Variants in ETV3 observed in about 807,000 individuals in gnomAD.
The protein encoded by ETV3 is ETS translocation variant 3.
Under a neutral mutation model 33.0 loss-of-function variants are expected in ETV3, and 8 were observed. That is an observed-to-expected ratio of 0.24 (90% CI 0.14 to 0.44). The LOEUF is 0.44. ETV3 is among the 20% of genes least tolerant of loss of function. The pLI, the probability that ETV3 is intolerant of heterozygous loss-of-function variation, is 1.00. For synonymous variants in ETV3, 222 were observed against 238.9 expected (o/e 0.93, Z 0.65); for missense variants, 473 against 652.3 (o/e 0.73, Z 2.99).
chr1:157,137,439 T>A (rs1256929145), intron 1 of ETV3, among the ~76,000 whole-genome samples: 1 of 151,674 alleles, frequency 6.6e-6, no homozygotes, highest in Non-Finnish European at 1.5e-5. Context: ...GACCAGCAAG[T>A]GTCAGTCTAC....
At chr1:157,136,501 T>C in intron 1 of ETV3, 136 bp from the exon 2 acceptor site, 1 of 740,650 alleles carries the variant, frequency 1.4e-6, no homozygotes, top group Non-Finnish European at 2.2e-6. Flanking sequence ...CTTTCAAACA[T>C]GTCACCTCCA....
rs1675090193 is a variant in ETV3, at chr1:157,135,678, G to A, written c.77C>T (p.Thr26Ile). The A allele has an allele frequency of 6.2e-7, 1 of 1,614,204 alleles. No individual in the cohort carries two copies. Among genetic ancestry groups the A allele is most frequent in the Non-Finnish European group, 8.5e-7 (1 of 1,180,036 alleles). Residue 26 changes from threonine (T) to isoleucine (I), a missense_variant, in exon 3 of 5, where the codon ACA (threonine) becomes ATA (isoleucine). Thr to Ile is a moderately conservative substitution (Grantham distance 89). This residue lies in a region of ETV3 where 33 missense variants were observed against 37.1 expected (regional missense o/e 0.89). Coordinates refer to ENST00000368192, the MANE Select transcript of ETV3 (RefSeq NM_001145312.3). ...GYQFPDWAYK[T>I]ESSPGSRQIQ... ...CTGCCGGGAGCCTGGGGATGACTCT[G>A]TTTTGTAGGCCCAGTCAGGAAACTG... is the stretch of plus-strand genomic sequence containing the variant.
At position 157,135,671 on chromosome 1, in the gene ETV3, T is replaced by G; in HGVS notation, c.84A>C (p.Ser28=). The G allele has an allele frequency of 6.2e-7, 1 of 1,614,216 alleles. No individual in the cohort carries two copies. Among genetic ancestry groups the G allele is most frequent in the Non-Finnish European group, 8.5e-7 (1 of 1,180,034 alleles). Residue 28 remains serine, a synonymous_variant, in exon 3 of 5, where the codon TCA becomes TCC. Transcript: ENST00000368192. ...QFPDWAYKTE[S]SPGSRQIQLW... ...GCTGGATCTGCCGGGAGCCTGGGGA[T>G]GACTCTGTTTTGTAGGCCCAGTCAG...
In ETV3 at chr1:157,125,400, A is replaced by T; in HGVS notation, c.980T>A (p.Val327Asp). ...ATGCATTTGGCACTGCAGTGGTGGA[A>T]CCATGAGCCCTGGGTAACGGGGAAA... ...RTFPRYPGLM[V>D]PPLQCQMHPE... The change falls in exon 5 of 5, where the codon GTT becomes GAT. Residue 327 changes from valine (V) to aspartate (D), a missense_variant. Val to Asp is a radical substitution (Grantham distance 152). Coordinates refer to ENST00000368192, the MANE Select transcript of ETV3 (RefSeq NM_001145312.3). The surrounding 1 kb of genome is among the most constrained non-coding windows in gnomAD (Gnocchi z 4.0). The T allele has an allele frequency of 6.4e-7, 1 of 1,552,128 alleles. No homozygotes were observed. Among genetic ancestry groups the T allele is most frequent in the Non-Finnish European group, 8.7e-7 (1 of 1,147,096 alleles).
At chr1:157,132,933 T>C (rs1401835747) in intron 4 of ETV3, among the ~76,000 whole-genome samples, 1 of 152,238 alleles carries the variant, frequency 6.6e-6, no homozygotes, top group African/African-American at 2.4e-5. Context: ...TTTTCAGGTT[T>C]CTTCCAGCTT....
rs1234423682 is a variant in ETV3, at chr1:157,125,265, G to T, written c.1115C>A (p.Thr372Asn). 6.4e-7 allele frequency: 1 copy of T among 1,552,016 alleles called. No individual in the cohort carries two copies. Among genetic ancestry groups the T allele is most frequent in the East Asian group, 2.4e-5 (1 of 40,936 alleles). ...GATTCTTGGGGGAATAGAAGCCATG[G>T]TGGGCGTGGTGACTGGTGCTGACTC... ...SEESAPVTTP[T>N]MASIPPRIKV... Residue 372 changes from threonine (T) to asparagine (N), a missense_variant, in exon 5 of 5, where the codon ACC becomes AAC. Physicochemically the swap from Thr to Asn is moderately conservative, Grantham distance 65. This residue lies in a region of ETV3 where 410 missense variants were observed against 520.2 expected (regional missense o/e 0.79). Transcript: ENST00000368192. This position sits in a 1 kb window ranked among gnomAD's most constrained non-coding sequence, Gnocchi z 4.0.
intron 4 of ETV3, among the ~76,000 whole-genome samples, chr1:157,128,891 T>A (rs1674905899): frequency 6.6e-6 from 1 of 152,256 alleles, no homozygotes; most frequent in Non-Finnish European, 1.5e-5. Flanking sequence ...ATGCTATCTA[T>A]CACTGTTTAC....
At position 157,124,797 on chromosome 1, in the gene ETV3, T is replaced by A; in HGVS notation, c.*44A>T. 1 of 1,061,688 alleles carries A rather than the reference T, an allele frequency of 9.4e-7. No homozygotes were observed. Among genetic ancestry groups the A allele is most frequent in the Non-Finnish European group, 1.2e-6 (1 of 822,236 alleles). 65.8% of individuals were successfully genotyped at this position (1,061,688 alleles called of 1,614,324 possible). On this transcript the variant is annotated 3_prime_UTR_variant, in exon 5 of 5. Transcript: ENST00000368192. ...AAATCTTGCTACATAAATACATGTA[T>A]GTATTTGATTATAGTATAAACAGCT... is the stretch of plus-strand genomic sequence containing the variant.
intron 1 of ETV3, among the ~76,000 whole-genome samples, chr1:157,136,915 T>C (rs1675126445): frequency 6.6e-6 from 1 of 152,200 alleles, no homozygotes; most frequent in Non-Finnish European, 1.5e-5. Context: ...AGCCACAAAC[T>C]GCTCCCTCCC....
intron 1 of ETV3, among the ~76,000 whole-genome samples, 159 bp downstream of exon 1, chr1:157,138,157 G>A (rs148863974): frequency 7.4e-4 from 113 of 152,258 alleles, no homozygotes; most frequent in Non-Finnish European, 1.2e-3. Context: ...CCCTCAGACA[G>A]ACACGGGATC....
rs1346256634 is a variant in ETV3 at position 157,124,789 on chromosome 1, T to A, written c.*52A>T. 2.1e-5 allele frequency: 4 copies of A among 191,826 alleles called. No individual in the cohort carries two copies. Among genetic ancestry groups the A allele is most frequent in the Admixed American group, 1.2e-4 (1 of 8,664 alleles). 11.9% of individuals were successfully genotyped at this position (191,826 alleles called of 1,614,324 possible). A position where few individuals can be genotyped will look rare whatever the true frequency, so the allele number is the denominator to read the frequency against. On this transcript the variant is annotated 3_prime_UTR_variant, in exon 5 of 5. Coordinates refer to ENST00000368192, the MANE Select transcript of ETV3 (RefSeq NM_001145312.3). ...CCACCCTGAAATCTTGCTACATAAATACATGTATGTATTTGATTATAGTAT... is the reference window on the plus strand; with the variant it reads ...CCACCCTGAAATCTTGCTACATAAAAACATGTATGTATTTGATTATAGTAT...
rs377498585 is a variant in ETV3, at chr1:157,134,159, T to C, written c.353A>G (p.Asn118Ser). 48 of 1,614,132 alleles carry C rather than the reference T, an allele frequency of 3.0e-5. No individual in the cohort carries two copies. Among genetic ancestry groups the C allele is most frequent in the Non-Finnish European group, 3.8e-5 (45 of 1,180,000 alleles). Residue 118 changes from asparagine to serine, a missense_variant, in exon 4 of 5, where the codon AAC (asparagine) becomes AGC (serine). Asn to Ser is a conservative substitution (Grantham distance 46, BLOSUM62 1). Around this residue, in one of 3 missense-constraint regions of ETV3, gnomAD observed 410 missense variants for 520.2 expected, o/e 0.79. Coordinates refer to ENST00000368192, the MANE Select transcript of ETV3 (RefSeq NM_001145312.3). ...TGGGTAGTTGGGCATCACCAGCTTG[T>C]TGAAGTTAAATTTATAGGTAAATCT... Reference protein sequence around the residue: ...GKRFTYKFNFNKLVMPNYPFI... With the variant: ...GKRFTYKFNFSKLVMPNYPFI...
chr1:157,132,971 C>T (rs1315840542), intron 4 of ETV3, among the ~76,000 whole-genome samples: 1 of 152,196 alleles, frequency 6.6e-6, no homozygotes, highest in East Asian at 1.9e-4. Flanking sequence ...ACTGCATGAT[C>T]AGCATTCTTT....
rs1674797567 is a variant in ETV3, at chr1:157,125,118, G to T, written c.1262C>A (p.Thr421Asn). ...TGGTGCAGCAGGACGGGCAAAGATG[G>T]TGCCTTTTTCCTCTTCAATGGTCCT... The part of the protein sequence containing the change: ...PSRTIEEEKG[T>N]IFARPAAPPI... The change falls in exon 5 of 5, where the codon ACC (threonine) becomes AAC (asparagine). Residue 421 changes from threonine (T) to asparagine (N), a missense_variant. Physicochemically the swap from Thr to Asn is moderately conservative, Grantham distance 65 (BLOSUM62 0). This residue lies in a region of ETV3 where 410 missense variants were observed against 520.2 expected (regional missense o/e 0.79). Transcript: ENST00000368192. The surrounding 1 kb of genome is among the most constrained non-coding windows in gnomAD (Gnocchi z 4.0). 1 of 1,547,520 alleles carries T rather than the reference G, an allele frequency of 6.5e-7. No homozygotes were observed. Among genetic ancestry groups the T allele is most frequent in the South Asian group, 1.2e-5 (1 of 83,384 alleles).
At chr1:157,129,721 C>T (rs184678879) in intron 4 of ETV3, among the ~76,000 whole-genome samples, 367 of 152,226 alleles carry the variant, frequency 2.4e-3, no homozygotes, top group African/African-American at 8.3e-3. Context: ...TCTTGACTTT[C>T]AATTAAGAGT....
chr1:157,137,520 ACACACACACACACACACACACTCT>A (rs1410585082), intron 1 of ETV3, among the ~76,000 whole-genome samples: 4 of 150,596 alleles, frequency 2.7e-5, no homozygotes. Context: ...ACACACACAC[ACACACACACACACACACACACTCT>A]CACACACACA....
intron 4 of ETV3, among the ~76,000 whole-genome samples, chr1:157,131,752 A>G (rs1185988823): frequency 6.6e-6 from 1 of 152,244 alleles, no homozygotes; most frequent in Non-Finnish European, 1.5e-5. Context: ...CGTAATTCAC[A>G]AAACTACTAA....
intron 3 of ETV3, 53 bp downstream of exon 3, chr1:157,135,418 A>G: frequency 6.3e-7 from 1 of 1,595,700 alleles, no homozygotes; most frequent in Non-Finnish European, 8.6e-7. Context: ...TTCACCAAAC[A>G]GCTTAGTCTC....
In ETV3 at chr1:157,134,722, T is replaced by A. The variant is rs562049459; in HGVS notation, c.285-495A>T. On this transcript the variant is annotated intron_variant, in intron 3 of 4. Coordinates refer to ENST00000368192, the MANE Select transcript of ETV3 (RefSeq NM_001145312.3). ...GGTCAAACAATGGCATGCCCTGATC[T>A]GGAAAACAGCAGCTAGTGTGGCCCG... is the stretch of plus-strand genomic sequence containing the variant. 1.3e-4 allele frequency among the ~76,000 whole-genome samples: 20 copies of A among 152,334 alleles called. No individual in the cohort carries two copies. The East Asian group carries it at 3.9e-3, about 29-fold the overall frequency.
Sources: allele counts gnomAD v4.1 joint callset (sites outside exome capture counted in the v4.1 genomes callset), GRCh38; gene constraint gnomAD v4.1.1; regional missense constraint gnomAD v4.1.1; non-coding constraint Gnocchi (gnomAD v3.1); transcripts MANE v1.5; gene names NCBI Gene and HGNC (gene_info 2026-07-23, HGNC 2026-07-21).